ZNF10: variants seen among roughly 807,000 people sequenced by gnomAD.
The protein encoded by ZNF10 is zinc finger protein 10.
In ZNF10, 8 loss-of-function variants were observed where a neutral mutation model predicts 12.2. The ratio of observed to expected loss-of-function variants is 0.66; its 90% CI spans 0.39 to 1.18. The LOEUF is 1.18. Among genes scored for constraint, ZNF10 ranks in the 50% most tolerant of loss-of-function variants. The pLI, the probability that ZNF10 is intolerant of heterozygous loss-of-function variation, is 0.01. For synonymous variants in ZNF10, 229 were observed against 228.2 expected, an observed-to-expected ratio of 1.00 and a Z score of -0.03; for missense variants, 603 against 678.9, an observed-to-expected ratio of 0.89 and a Z score of 1.24.
intron 1 of ZNF10, among the ~76,000 whole-genome samples, chr12:133,140,229 AAAGC>A: frequency 6.7e-6 from 1 of 149,594 alleles, no homozygotes; most frequent in Non-Finnish European, 1.5e-5. Context: ...AAAAAAAAAA[AAAGC>A]CAGGTGCAGT....
At chr12:133,148,144 A>G (rs1955986478) in intron 2 of ZNF10, among the ~76,000 whole-genome samples, 1 of 151,996 alleles carries the variant, frequency 6.6e-6, no homozygotes, top group African/African-American at 2.4e-5. Context: ...TTTTGGAGAC[A>G]GAGTCTCATT....
intron 1 of ZNF10, chr12:133,143,788 TTTTC>T (rs1265770489): frequency 6.6e-6 from 1 of 152,096 alleles, no homozygotes; most frequent in Non-Finnish European, 1.5e-5. Context: ...CATGGCTGGG[TTTTC>T]TGCTCAGGAT....
At chr12:133,136,477 C>G (rs1955912318) in intron 1 of ZNF10, among the ~76,000 whole-genome samples, 1 of 152,142 alleles carries the variant, frequency 6.6e-6, no homozygotes, top group Non-Finnish European at 1.5e-5. Context: ...TATCTTAGTT[C>G]TCTTTATCTG....
At chr12:133,132,640 CT>C (rs1289597128) in intron 1 of ZNF10, among the ~76,000 whole-genome samples, 1 of 152,158 alleles carries the variant, frequency 6.6e-6, no homozygotes, top group Non-Finnish European at 1.5e-5. Flanking sequence ...TCAGCCAGGG[CT>C]TTTAATTCTT....
At chr12:133,152,175 G>A (rs1956013442) in intron 4 of ZNF10, among the ~76,000 whole-genome samples, 1 of 152,154 alleles carries the variant, frequency 6.6e-6, no homozygotes, top group African/African-American at 2.4e-5. Flanking sequence ...TTGTGCTTTC[G>A]TTTGTCATAG....
In ZNF10 at chr12:133,157,247, T is replaced by C. The variant is rs186812434; in HGVS notation, c.*279T>C. On this transcript the variant is annotated 3_prime_UTR_variant, in exon 5 of 5. Coordinates refer to ENST00000248211, the MANE Select transcript of ZNF10 (RefSeq NM_015394.5). ...AATGCTAGAATCTGAGAAGGAATTA[T>C]TAAATAGGTGAGTTGTTGAGCGAGA... The C allele has an allele frequency of 2.2e-5, 6 of 273,906 alleles. No individual in the cohort carries two copies. The highest frequency in any genetic ancestry group is 1.1e-4 in the African/African-American group (5 of 45,924). 17.0% of individuals were successfully genotyped at this position (273,906 alleles called of 1,614,324 possible).
At chr12:133,152,844 C>T (rs376397961) in intron 4 of ZNF10, among the ~76,000 whole-genome samples, 1 of 152,258 alleles carries the variant, frequency 6.6e-6, no homozygotes, top group South Asian at 2.1e-4. Context: ...AAGTTCTTTC[C>T]CATGAAGGCT....
rs774250176 is a variant in ZNF10, at chr12:133,156,583, C to G, written c.1337C>G (p.Ser446Cys). Residue 446 changes from serine (S) to cysteine (C), a missense_variant, in exon 5 of 5, where the codon TCT (serine) becomes TGT (cysteine). Coordinates refer to ENST00000248211, the MANE Select transcript of ZNF10 (RefSeq NM_015394.5). ...TGTGGAAAATGTTTTAGTCGAAGCT[C>G]TCACCTTTATTCACATCAAAGAACC... ...KDCGKCFSRS[S>C]HLYSHQRTHT... 6.2e-6 allele frequency: 10 copies of G among 1,613,640 alleles called. No individual in the cohort carries two copies. Among genetic ancestry groups the G allele is most frequent in the Non-Finnish European group, 8.5e-6 (10 of 1,179,862 alleles).
intron 1 of ZNF10, among the ~76,000 whole-genome samples, chr12:133,141,276 C>T (rs1955943018): frequency 6.6e-6 from 1 of 152,116 alleles, no homozygotes; most frequent in African/African-American, 2.4e-5. Flanking sequence ...ATTTATAGTA[C>T]TATAAAAATA....
intron 4 of ZNF10, among the ~76,000 whole-genome samples, chr12:133,155,034 T>C (rs1809942): frequency 0.6 from 90,738 of 151,144 alleles, 28,165 homozygotes; most frequent in African/African-American, 0.72. Context: ...GCCAAGATTG[T>C]GTCATTGCAC....
At position 133,157,031 on chromosome 12, in the gene ZNF10, T is replaced by C. The variant is rs569252152; in HGVS notation, c.*63T>C. The C allele has an allele frequency of 7.6e-7, 1 of 1,323,726 alleles. No homozygotes were observed. Among genetic ancestry groups the C allele is most frequent in the African/African-American group, 1.5e-5 (1 of 66,548 alleles). The allele number at this position is 1,323,726 out of a possible 1,614,324, so 82.0% of individuals were successfully genotyped here. On this transcript the variant is annotated 3_prime_UTR_variant, in exon 5 of 5. Coordinates refer to ENST00000248211, the MANE Select transcript of ZNF10 (RefSeq NM_015394.5). ...TTTTGCATTGGAGAACTCCTGGAGA[T>C]AAGCTGTACAAATTGAATCTATGTG...
At chr12:133,150,122 ATC>A (rs1430031012) in intron 2 of ZNF10, among the ~76,000 whole-genome samples, 1 of 152,214 alleles carries the variant, frequency 6.6e-6, no homozygotes, top group Non-Finnish European at 1.5e-5. Flanking sequence ...AAGAAAACAA[ATC>A]TGTTATATTT....
chr12:133,138,167 A>G (rs1307718103), intron 1 of ZNF10, among the ~76,000 whole-genome samples: 2 of 152,038 alleles, frequency 1.3e-5, no homozygotes, highest in Admixed American at 1.3e-4. Context: ...AGAGTTTAAA[A>G]CCGCTGGGTT....
chr12:133,155,422 C>G, intron 4 of ZNF10, 81 bp from the exon 5 acceptor site: 1 of 1,403,210 alleles, frequency 7.1e-7, no homozygotes. Context: ...GTACATCTTG[C>G]ATACTTTGTC....
Position 133,156,671 on chromosome 12 carries a change from C to T in ZNF10, c.1425C>T (p.Ala475=), listed in dbSNP as rs140477481. ...GAAAATCTTTCAGCCAGAGTTCTGC[C>T]CTTATTGTGCATCAGAGGATACACA... is the stretch of plus-strand genomic sequence containing the variant. ...DCGKSFSQSS[A]LIVHQRIHTG... The change falls in exon 5 of 5, where the codon GCC becomes GCT. Residue 475 remains alanine (A), a synonymous_variant. Coordinates refer to ENST00000248211, the MANE Select transcript of ZNF10 (RefSeq NM_015394.5). The T allele has an allele frequency of 1.0e-4, 169 of 1,613,902 alleles. No individual in the cohort carries two copies. The highest frequency in any genetic ancestry group is 1.4e-4 in the Non-Finnish European group (160 of 1,179,992).
chr12:133,147,817 G>A (rs1453234271), intron 2 of ZNF10, among the ~76,000 whole-genome samples: 2 of 148,096 alleles, frequency 1.4e-5, no homozygotes, highest in South Asian at 4.3e-4. Context: ...TAGTAGAGAC[G>A]GGGTTTCACC....
chr12:133,147,608 GTTTT>G (rs149592494), intron 2 of ZNF10, among the ~76,000 whole-genome samples: 2 of 117,116 alleles, frequency 1.7e-5, no homozygotes, highest in Admixed American at 9.3e-5. Flanking sequence ...TGTTTTCTGA[GTTTT>G]TTTTTTTTTT....
At chr12:133,143,120 A>G (rs1385835049) in intron 1 of ZNF10, among the ~76,000 whole-genome samples, 1 of 152,236 alleles carries the variant, frequency 6.6e-6, no homozygotes, top group Non-Finnish European at 1.5e-5. Context: ...TTCCACTTAC[A>G]TGACCTAAGT....
Position 133,156,517 on chromosome 12 carries a change from A to G in ZNF10, c.1271A>G (p.His424Arg), listed in dbSNP as rs1482749139. The change falls in exon 5 of 5, where the codon CAT becomes CGT. Residue 424 changes from histidine (H) to arginine (R), a missense_variant. Transcript: ENST00000248211. ...YSQRSHLVVH[H>R]RIHTGLKPFE... ...CAGAGATCTCACCTTGTTGTGCATC[A>G]TAGAATTCACACTGGACTAAAACCT... 3 of 1,614,002 alleles carry G rather than the reference A, an allele frequency of 1.9e-6. No homozygotes were observed. Among genetic ancestry groups the G allele is most frequent in the East Asian group, 2.2e-5 (1 of 44,896 alleles).
Sources: allele counts gnomAD v4.1 joint callset (sites outside exome capture counted in the v4.1 genomes callset), GRCh38; gene constraint gnomAD v4.1.1; transcripts MANE v1.5; gene names NCBI Gene and HGNC (gene_info 2026-07-23, HGNC 2026-07-21).